The following MAML2 variants were observed in gnomAD, a reference collection of about 807,000 sequenced individuals.
MAML2 encodes mastermind-like protein 2.
In MAML2, 22 loss-of-function variants were observed where a neutral mutation model predicts 96.1. The observed-to-expected ratio is 0.23, with a 90% CI of 0.16 to 0.33. The LOEUF (loss-of-function observed/expected upper bound fraction) is 0.33. Ranked by LOEUF, MAML2 falls within the 10% of genes least tolerant of loss-of-function variation. The pLI is 1.00. For synonymous variants in MAML2, 561 were observed against 521.3 expected (o/e 1.08, Z -1.04); for missense variants, 1,367 against 1,392.4 (o/e 0.98, Z 0.29).
chr11:96,322,575 C>T (rs919307885), intron 1 of MAML2, among the ~76,000 whole-genome samples: 3 of 152,020 alleles, frequency 2.0e-5, no homozygotes, highest in Admixed American at 2.0e-4. Context: ...GCCTGTATTC[C>T]CAGCTCCTAG....
chr11:96,090,510 A>G (rs1938745676), intron 2 of MAML2, among the ~76,000 whole-genome samples: 1 of 152,214 alleles, frequency 6.6e-6, no homozygotes, highest in African/African-American at 2.4e-5. Flanking sequence ...TAAGAATTTG[A>G]ACCTACATTC....
At chr11:96,198,538 A>C (rs1861764011) in intron 1 of MAML2, among the ~76,000 whole-genome samples, 1 of 152,064 alleles carries the variant, frequency 6.6e-6, no homozygotes, top group African/African-American at 2.4e-5. Context: ...AGTCCTCACA[A>C]CCATTCTGGT....
chr11:96,056,058 G>C (rs1859061524), intron 2 of MAML2, among the ~76,000 whole-genome samples: 1 of 152,150 alleles, frequency 6.6e-6, no homozygotes, highest in Non-Finnish European at 1.5e-5. Context: ...CAAAAGACTT[G>C]TGTGACTTGC....
chr11:96,188,954 T>C (rs1861612845), intron 1 of MAML2, among the ~76,000 whole-genome samples: 1 of 152,292 alleles, frequency 6.6e-6, no homozygotes, highest in South Asian at 2.1e-4. Context: ...ATTTCAAATG[T>C]CCAAAGAGCC....
At chr11:96,304,412 C>A (rs1863435660) in intron 1 of MAML2, among the ~76,000 whole-genome samples, 1 of 152,162 alleles carries the variant, frequency 6.6e-6, no homozygotes, top group Admixed American at 6.5e-5. Context: ...AGGAATTTAA[C>A]TGGCAAATGA....
Position 96,092,889 on chromosome 11 carries a change from T to A in MAML2, c.1142A>T (p.Gln381Leu), listed in dbSNP as rs1296596962. The A allele has an allele frequency of 6.2e-7, 1 of 1,605,612 alleles. No individual in the cohort carries two copies. Among genetic ancestry groups the A allele is most frequent in the Middle Eastern group, 1.7e-4 (1 of 6,006 alleles). Residue 381 changes from glutamine (Q) to leucine (L), a missense_variant, in exon 2 of 5, where the codon CAG becomes CTG. Coordinates refer to ENST00000524717, the MANE Select transcript of MAML2 (RefSeq NM_032427.4). This position sits in a 1 kb window ranked among gnomAD's most constrained non-coding sequence, Gnocchi z 4.1. ...GGGGCCAGCTGATGGGGGCCTCAGC[T>A]GAGGAGAGCCTGAGGGGCCCTGAGT... ...GLTQGPSGSPQLRPPSAGPAF... is the reference protein window; with the variant it reads ...GLTQGPSGSPLLRPPSAGPAF...
intron 1 of MAML2, among the ~76,000 whole-genome samples, chr11:96,183,653 T>C (rs1259106869): frequency 6.6e-6 from 1 of 150,800 alleles, no homozygotes; most frequent in Non-Finnish European, 1.5e-5. Flanking sequence ...CAAATGATCC[T>C]CCCGCCTCAG....
intron 1 of MAML2, among the ~76,000 whole-genome samples, chr11:96,256,346 T>C (rs893564716): frequency 3.3e-5 from 5 of 152,182 alleles, no homozygotes; most frequent in African/African-American, 1.2e-4. Context: ...TCTTTTGCTC[T>C]CTTTGCTACA....
chr11:96,311,503 G>A (rs958895101), intron 1 of MAML2, among the ~76,000 whole-genome samples: 1 of 152,334 alleles, frequency 6.6e-6, no homozygotes, highest in East Asian at 1.9e-4. Flanking sequence ...AGTAGTAGCA[G>A]AGGGTTGGTG....
At chr11:96,225,879 C>T (rs1054682339) in intron 1 of MAML2, among the ~76,000 whole-genome samples, 4 of 151,908 alleles carry the variant, frequency 2.6e-5, no homozygotes, top group African/African-American at 4.8e-5. Flanking sequence ...AGAGATCGTA[C>T]GAGCATTCTC....
chr11:96,274,733 T>A lies in MAML2; in HGVS notation c.513+66650A>T, dbSNP rs546640484. On this transcript the variant is annotated intron_variant, in intron 1 of 4. Transcript: ENST00000524717. Reference sequence around the variant, plus strand: ...TGCTGCTCATGAGCTATATAGCTCATATGTCTAACTCTTTTATATCTGGAT... The same window carrying A: ...TGCTGCTCATGAGCTATATAGCTCAAATGTCTAACTCTTTTATATCTGGAT... 3.3e-5 allele frequency among the ~76,000 whole-genome samples: 5 copies of A among 152,304 alleles called. No individual in the cohort carries two copies. The South Asian group carries it at 1.0e-3, about 32-fold the overall frequency.
intron 2 of MAML2, among the ~76,000 whole-genome samples, chr11:96,083,034 A>T (rs1017248753): frequency 6.6e-6 from 1 of 152,216 alleles, no homozygotes; most frequent in East Asian, 1.9e-4. Flanking sequence ...GATGGAATAC[A>T]TCTCCTGGAG....
intron 1 of MAML2, among the ~76,000 whole-genome samples, chr11:96,188,986 T>C (rs546698765): frequency 6.6e-6 from 1 of 152,238 alleles, no homozygotes; most frequent in South Asian, 2.1e-4. Flanking sequence ...ACCATTACTC[T>C]TTTAACTGAA....
At position 96,092,402 on chromosome 11, in the gene MAML2, G is replaced by T. The variant is rs546716108; in HGVS notation, c.1629C>A (p.Asn543Lys). ...KPQDLSRSFI[N>K]NPHPAMEPRQ... ...GGGGCTCCATGGCTGGGTGCGGGTTGTTAATAAAACTTCGACTGAGATCCT... is the reference window on the plus strand; with the variant it reads ...GGGGCTCCATGGCTGGGTGCGGGTTTTTAATAAAACTTCGACTGAGATCCT... The change falls in exon 2 of 5, where the codon AAC (asparagine) becomes AAA (lysine). Residue 543 changes from asparagine to lysine, a missense_variant. Coordinates refer to ENST00000524717, the MANE Select transcript of MAML2 (RefSeq NM_032427.4). The surrounding 1 kb of genome is among the most constrained non-coding windows in gnomAD (Gnocchi z 4.1). 33 of 1,613,976 alleles carry T rather than the reference G, an allele frequency of 2.0e-5. No individual in the cohort carries two copies. The highest frequency in any genetic ancestry group is 3.4e-6 in the Non-Finnish European group (4 of 1,179,898).
intron 1 of MAML2, among the ~76,000 whole-genome samples, chr11:96,233,938 C>A (rs1190591588): frequency 6.6e-6 from 1 of 152,132 alleles, no homozygotes; most frequent in East Asian, 1.9e-4. Flanking sequence ...AGGTGGGCCT[C>A]CAAAATTAGA....
chr11:96,255,813 TA>T (rs1482645514), intron 1 of MAML2, among the ~76,000 whole-genome samples: 3 of 151,518 alleles, frequency 2.0e-5, no homozygotes, highest in African/African-American at 4.9e-5. Flanking sequence ...CTGGACAGCT[TA>T]TTGCTTATTG....
chr11:96,284,299 G>C (rs1863110500), intron 1 of MAML2, among the ~76,000 whole-genome samples: 1 of 152,112 alleles, frequency 6.6e-6, no homozygotes, highest in Non-Finnish European at 1.5e-5. Flanking sequence ...AGAGGTGCAG[G>C]TCCATATTTT....
At position 96,343,187 on chromosome 11, in the gene MAML2, A is replaced by T. The variant is rs1565290055; in HGVS notation, c.-1292T>A. The stretch of plus-strand genomic sequence containing the variant: ...GCTCCGATAGGAGAGGGAGAGAAAG[A>T]GAGAGAGTGAGACAGAGAAGGAGAA... On this transcript the variant is annotated 5_prime_UTR_variant, in exon 1 of 5. Coordinates refer to ENST00000524717, the MANE Select transcript of MAML2 (RefSeq NM_032427.4). 1 of 258,442 alleles carries T rather than the reference A, an allele frequency of 3.9e-6. No individual in the cohort carries two copies. The highest frequency in any genetic ancestry group is 7.2e-6 in the Non-Finnish European group (1 of 139,690). 16.0% of individuals were successfully genotyped at this position (258,442 alleles called of 1,614,324 possible). A position where few individuals can be genotyped will look rare whatever the true frequency, so the allele number is the denominator to read the frequency against.
intron 1 of MAML2, among the ~76,000 whole-genome samples, chr11:96,260,665 T>A (rs1281738555): frequency 6.6e-6 from 1 of 152,126 alleles, no homozygotes; most frequent in Non-Finnish European, 1.5e-5. Flanking sequence ...AGTGATATTA[T>A]TTGAGTCACT....
Sources: allele counts gnomAD v4.1 joint callset (sites outside exome capture counted in the v4.1 genomes callset), GRCh38; gene constraint gnomAD v4.1.1; non-coding constraint Gnocchi (gnomAD v3.1); transcripts MANE v1.5; gene names NCBI Gene and HGNC (gene_info 2026-07-23, HGNC 2026-07-21).